PTPRT: variants seen among roughly 807,000 people sequenced by gnomAD.
PTPRT encodes the protein receptor-type tyrosine-protein phosphatase T.
A neutral mutation model predicts 176.8 loss-of-function variants in PTPRT; 56 were observed. The ratio of observed to expected loss-of-function variants is 0.32; its 90% CI spans 0.26 to 0.40. The LOEUF is 0.40. Among genes scored for constraint, PTPRT ranks in the 10% least tolerant of loss-of-function variants. The pLI is 1.00. For missense variants in PTPRT, 1,540 were observed against 1,908.2 expected (o/e 0.81, Z 3.60); for synonymous variants, 783 against 739.0 (o/e 1.06, Z -0.96).
chr20:42,513,201 G>GTGT (rs2071990669), intron 7 of PTPRT, among the ~76,000 whole-genome samples: 2 of 144,566 alleles, frequency 1.4e-5, no homozygotes, highest in Non-Finnish European at 3.0e-5. Context: ...CTATTGATGG[G>GTGT]GTGTGTGTGT....
At chr20:43,037,957 G>A (rs1474191548) in intron 1 of PTPRT, among the ~76,000 whole-genome samples, 1 of 152,096 alleles carries the variant, frequency 6.6e-6, no homozygotes, top group Non-Finnish European at 1.5e-5. Flanking sequence ...ATTCTCACAT[G>A]AACCCTTGTC....
Position 42,315,738 on chromosome 20 carries a change from G to T in PTPRT, c.2124C>A (p.Leu708=). 1 of 1,613,994 alleles carries T rather than the reference G, an allele frequency of 6.2e-7. No individual in the cohort carries two copies. The highest frequency in any genetic ancestry group is 1.1e-5 in the South Asian group (1 of 91,052). ...LKSYSIYFQA[L]SKANGETKIN... is the part of the protein sequence containing the mutation. ...CCATACTTACTCCATTGGCTTTGCT[G>T]AGTGCCTGGAAGTAGATGCTGTAGC... Residue 708 remains leucine, a synonymous_variant, in exon 12 of 31, where the codon CTC becomes CTA. Coordinates refer to ENST00000373187, the MANE Select transcript of PTPRT (RefSeq NM_007050.6).
Position 42,438,978 on chromosome 20 carries a change from C to T in PTPRT, c.1560+9242G>A, listed in dbSNP as rs2059287798. 2.0e-5 allele frequency among the ~76,000 whole-genome samples: 3 copies of T among 152,362 alleles called. No homozygotes were observed. The South Asian group carries it at 6.2e-4, about 32-fold the overall frequency. The stretch of plus-strand genomic sequence containing the variant: ...GTACATAAATGCAAGTCACTCACAT[C>T]AGAATGCAACTTCTTTTCCTTCCAG... On this transcript the variant is annotated intron_variant, in intron 9 of 30. Transcript: ENST00000373187.
At chr20:42,119,042 G>A (rs56234933) in intron 20 of PTPRT, among the ~76,000 whole-genome samples, 6,507 of 51,200 alleles carry the variant, frequency 0.13, 140 homozygotes, top group Non-Finnish European at 0.16. Context: ...AAAAAAAAAA[G>A]ACCAGGAGCA....
chr20:42,797,894 T>G (rs1396169106), intron 2 of PTPRT, among the ~76,000 whole-genome samples: 1 of 151,876 alleles, frequency 6.6e-6, no homozygotes, highest in Non-Finnish European at 1.5e-5. Flanking sequence ...CTAGAAAAGG[T>G]GAGAAAACAA....
intron 9 of PTPRT, among the ~76,000 whole-genome samples, chr20:42,378,823 T>C (rs2058672921): frequency 6.6e-6 from 1 of 152,226 alleles, no homozygotes; most frequent in Non-Finnish European, 1.5e-5. Flanking sequence ...CTTCACAGGA[T>C]TTTGAAATGA....
intron 1 of PTPRT, among the ~76,000 whole-genome samples, chr20:43,026,034 G>A (rs144498132): frequency 2.0e-5 from 3 of 152,212 alleles, no homozygotes; most frequent in African/African-American, 7.2e-5. Context: ...GGGATGAATT[G>A]TGGCCCCCCC....
intron 7 of PTPRT, among the ~76,000 whole-genome samples, chr20:42,535,249 C>T (rs2072456093): frequency 6.6e-6 from 1 of 152,080 alleles, no homozygotes; most frequent in Non-Finnish European, 1.5e-5. Context: ...TGCATGTTAT[C>T]AACTATAAGT....
chr20:42,459,826 G>A (rs1284188863), intron 8 of PTPRT, among the ~76,000 whole-genome samples: 6 of 149,746 alleles, frequency 4.0e-5, no homozygotes, highest in Non-Finnish European at 7.5e-5. Flanking sequence ...GAGTAGCTGA[G>A]ATCATAGGTA....
intron 9 of PTPRT, among the ~76,000 whole-genome samples, chr20:42,420,275 T>C (rs2059106259): frequency 6.6e-6 from 1 of 152,164 alleles, no homozygotes; most frequent in South Asian, 2.1e-4. Flanking sequence ...TGAATACGAC[T>C]GTCCAATGCC....
intron 7 of PTPRT, among the ~76,000 whole-genome samples, chr20:42,499,292 CT>C (rs56128037): frequency 0.021 from 3,008 of 140,766 alleles, 49 homozygotes; most frequent in African/African-American, 0.059. Flanking sequence ...TTTTGATAAA[CT>C]TTTTTTTTTT....
At chr20:42,187,678 C>G (rs1273238498) in intron 16 of PTPRT, among the ~76,000 whole-genome samples, 1 of 152,214 alleles carries the variant, frequency 6.6e-6, no homozygotes, top group Non-Finnish European at 1.5e-5. Flanking sequence ...CTATCACAAT[C>G]CAGCTGAGTA....
chr20:42,433,245 C>T lies in PTPRT; in HGVS notation c.1560+14975G>A, dbSNP rs115162842. Among the ~76,000 whole-genome samples the T allele has an allele frequency of 3.3e-3, 506 of 152,120 alleles. 4 individuals carry two copies. Among genetic ancestry groups the T allele is most frequent in the African/African-American group, 0.012 (488 of 41,498 alleles). On this transcript the variant is annotated intron_variant, in intron 9 of 30. Transcript: ENST00000373187. The stretch of plus-strand genomic sequence containing the variant: ...ACTGCAACACAGTCCACTAGGATTA[C>T]AACTGTTGTGAAAAGGATTGGAAAC...
At chr20:42,578,889 AG>A (rs2073314341) in intron 7 of PTPRT, among the ~76,000 whole-genome samples, 1 of 136,062 alleles carries the variant, frequency 7.3e-6, no homozygotes, top group African/African-American at 3.0e-5. Flanking sequence ...GAGTCTTGCA[AG>A]TTTTTTTTTT....
At position 42,297,100 on chromosome 20, in the gene PTPRT, A is replaced by G. The variant is rs1415302136; in HGVS notation, c.2140-14575T>C. Among the ~76,000 whole-genome samples, 4 of 152,170 alleles carry G rather than the reference A, an allele frequency of 2.6e-5. No homozygotes were observed. The East Asian group carries it at 7.7e-4, about 29-fold the overall frequency. On this transcript the variant is annotated intron_variant, in intron 12 of 30. Transcript: ENST00000373187. Reference sequence around the variant, plus strand: ...AAAAAATAATAAAGATATAGTAGTGATCCTGATATAAAACAAGAATTCAAC... The same window carrying G: ...AAAAAATAATAAAGATATAGTAGTGGTCCTGATATAAAACAAGAATTCAAC...
chr20:42,915,890 C>A (rs1401146535), intron 1 of PTPRT, among the ~76,000 whole-genome samples: 2 of 151,864 alleles, frequency 1.3e-5, no homozygotes, highest in African/African-American at 4.8e-5. Flanking sequence ...CGTGAGTCAC[C>A]ATGCCCGGCC....
chr20:42,836,884 A>G (rs2145712209), intron 2 of PTPRT, among the ~76,000 whole-genome samples: 1 of 152,320 alleles, frequency 6.6e-6, no homozygotes. Flanking sequence ...ATTAACTATT[A>G]CGTGCTACCA....
intron 1 of PTPRT, among the ~76,000 whole-genome samples, chr20:42,887,245 C>A (rs1261486554): frequency 6.6e-6 from 1 of 152,146 alleles, no homozygotes; most frequent in Non-Finnish European, 1.5e-5. Context: ...GACATGAAGG[C>A]AGACTCCACA....
chr20:42,696,194 C>T (rs2075872863), intron 6 of PTPRT, among the ~76,000 whole-genome samples: 1 of 150,202 alleles, frequency 6.7e-6, no homozygotes, highest in East Asian at 2.0e-4. Flanking sequence ...TCCCAATCAT[C>T]TCTCTCTTTC....
Sources: allele counts gnomAD v4.1 joint callset (sites outside exome capture counted in the v4.1 genomes callset), GRCh38; gene constraint gnomAD v4.1.1; transcripts MANE v1.5; gene names NCBI Gene and HGNC (gene_info 2026-07-23, HGNC 2026-07-21).